TPSG1: variants seen among roughly 807,000 people sequenced by gnomAD.
TPSG1 encodes the protein tryptase gamma.
In TPSG1, 43 loss-of-function variants were observed where a neutral mutation model predicts 23.8. The observed-to-expected ratio is 1.81, with a 90% confidence interval of 1.42 to 2.33. The LOEUF is 2.33. TPSG1 is among the 30% of genes most tolerant of loss of function. TPSG1 has a pLI of 0.00. For synonymous variants in TPSG1, 302 were observed against 201.3 expected (o/e 1.50, Z -4.23); for missense variants, 623 against 438.6 (o/e 1.42, Z -3.75).
Position 1,222,687 on chromosome 16 carries a change from C to T in TPSG1, c.476G>A (p.Cys159Tyr). Residue 159 changes from cysteine to tyrosine, a missense_variant, in exon 4 of 6, where the codon TGC becomes TAC. Transcript: ENST00000234798. The stretch of plus-strand genomic sequence containing the variant: ...CGTATAGCCCCAGCCGGTCACCCAG[C>T]ACCGGATCCCAGGGCAGAAGTCATC... ...ASDDFCPGIRCWVTGWGYTRE... is the reference protein window; with the variant it reads ...ASDDFCPGIRYWVTGWGYTRE... 5 of 1,588,674 alleles carry T rather than the reference C, an allele frequency of 3.1e-6. No homozygotes were observed. The highest frequency in any genetic ancestry group is 4.3e-6 in the Non-Finnish European group (5 of 1,161,720).
Position 1,225,263 on chromosome 16 carries a change from C to A in TPSG1, c.-11G>T. Reference sequence around the variant, plus strand: ...GGCCCCAAGGGCCATGGTGTCTGCCCACTGTAGGGAGAAGGAGGGCCAGCC... The same window carrying A: ...GGCCCCAAGGGCCATGGTGTCTGCCAACTGTAGGGAGAAGGAGGGCCAGCC... On this transcript the variant is annotated 5_prime_UTR_variant, in exon 1 of 6. Transcript: ENST00000234798. 1 of 1,562,822 alleles carries A rather than the reference C, an allele frequency of 6.4e-7. No homozygotes were observed. Among genetic ancestry groups the A allele is most frequent in the East Asian group, 2.4e-5 (1 of 42,212 alleles).
Position 1,222,299 on chromosome 16 carries a change from G to A in TPSG1, c.554C>T (p.Ser185Phe). Residue 185 changes from serine (S) to phenylalanine (F), a missense_variant, in exon 5 of 6, where the codon TCC becomes TTC. Transcript: ENST00000234798. ...GCGGCAGGTCTCTGTGTCCACCACG[G>A]AGACTTTCACCTCCCGCAGGCTGTA... ...PPYSLREVKV[S>F]VVDTETCRRD... 1.2e-6 allele frequency: 2 copies of A among 1,610,858 alleles called. No individual in the cohort carries two copies. Among genetic ancestry groups the A allele is most frequent in the South Asian group, 2.2e-5 (2 of 90,950 alleles).
chr16:1,225,041 G>A (rs2141424783), intron 1 of TPSG1, among the ~76,000 whole-genome samples, 166 bp downstream of exon 1: 1 of 152,218 alleles, frequency 6.6e-6, no homozygotes, highest in African/African-American at 2.4e-5. Flanking sequence ...CGGACAGCTG[G>A]GCCTCCAGCC....
At chr16:1,224,535 C>T (rs1170494225) in intron 2 of TPSG1, 67 bp downstream of exon 2, 7 of 1,604,418 alleles carry the variant, frequency 4.4e-6, no homozygotes, top group African/African-American at 2.7e-5. Flanking sequence ...AGGAGAGGGT[C>T]ACCGAGGCCC....
Position 1,222,877 on chromosome 16 carries a change from G to C in TPSG1, c.286C>G (p.Leu96Val). The part of the protein sequence containing the change: ...SSDYQVHLGE[L>V]EITLSPHFST... ...AAGTGGGGAGACAGAGTGATCTCCA[G>C]TTCCCCCAGGTGCACCTGGTAGTCG... Residue 96 changes from leucine (L) to valine (V), a missense_variant, in exon 4 of 6, where the codon CTG (leucine) becomes GTG (valine). Coordinates refer to ENST00000234798, the MANE Select transcript of TPSG1 (RefSeq NM_012467.4). 6.2e-7 allele frequency: 1 copy of C among 1,609,212 alleles called. No individual in the cohort carries two copies. Among genetic ancestry groups the C allele is most frequent in the Non-Finnish European group, 8.5e-7 (1 of 1,178,582 alleles).
chr16:1,224,611 A>G lies in TPSG1; in HGVS notation c.64T>C (p.Leu22=), dbSNP rs2030048579. ...LAVPGVSLRT[L]QPGCGRPQVS... ...CCTGTCAGAGACGTACCTGGCTGCAAAGTCCTGAGGGACACACCTGTGGGA... is the reference window on the plus strand; with the variant it reads ...CCTGTCAGAGACGTACCTGGCTGCAGAGTCCTGAGGGACACACCTGTGGGA... The change falls in exon 2 of 6, where the codon TTG becomes CTG. Residue 22 remains leucine (L), a synonymous_variant. Transcript: ENST00000234798. 6.2e-7 allele frequency: 1 copy of G among 1,613,754 alleles called. No homozygotes were observed. The highest frequency in any genetic ancestry group is 8.5e-7 in the Non-Finnish European group (1 of 1,179,848).
At chr16:1,222,533 G>C in intron 4 of TPSG1, 119 bp downstream of exon 4, 1 of 1,405,968 alleles carries the variant, frequency 7.1e-7, no homozygotes, top group Non-Finnish European at 9.6e-7. Flanking sequence ...GATAGGGGCG[G>C]CCTTGGCTGG....
Position 1,222,001 on chromosome 16 carries a change from C to T in TPSG1, c.753G>A (p.Arg251=). 1 of 1,612,290 alleles carries T rather than the reference C, an allele frequency of 6.2e-7. No homozygotes were observed. The highest frequency in any genetic ancestry group is 2.2e-5 in the East Asian group (1 of 44,830). ...SWGEGCGRPN[R]PGVYTRVPAY... The stretch of plus-strand genomic sequence containing the variant: ...CAGGGACACGAGTGTAGACTCCCGG[C>T]CTGTTGGGGCGGCCGCAGCCCTCAC... Residue 251 remains arginine (R), a synonymous_variant, in exon 6 of 6, where the codon AGG becomes AGA. Coordinates refer to ENST00000234798, the MANE Select transcript of TPSG1 (RefSeq NM_012467.4).
Position 1,222,284 on chromosome 16 carries a change from T to G in TPSG1, c.569A>C (p.Glu190Ala). 6.2e-7 allele frequency: 1 copy of G among 1,611,530 alleles called. No individual in the cohort carries two copies. Among genetic ancestry groups the G allele is most frequent in the African/African-American group, 1.3e-5 (1 of 74,902 alleles). Residue 190 changes from glutamate (E) to alanine (A), a missense_variant, in exon 5 of 6, where the codon GAG becomes GCG. Physicochemically the swap from Glu to Ala is moderately radical, Grantham distance 107 (BLOSUM62 -1). Transcript: ENST00000234798. ...GCCGGGATAGTCCCGGCGGCAGGTC[T>G]CTGTGTCCACCACGGAGACTTTCAC... ...REVKVSVVDTETCRRDYPGPG... is the reference protein window; with the variant it reads ...REVKVSVVDTATCRRDYPGPG...
At position 1,221,939 on chromosome 16, in the gene TPSG1, G is replaced by A. The variant is rs370547717; in HGVS notation, c.815C>T (p.Ser272Leu). The change falls in exon 6 of 6, where the codon TCA becomes TTA. Residue 272 changes from serine to leucine, a missense_variant. By Grantham distance (145) the Ser-to-Leu change is moderately radical (BLOSUM62 -2). Transcript: ENST00000234798. ...GGGGTACCCAGACTCTGAGCCCCCT[G>A]ATGCTGTGATGTGGCGGCGGATCCA... is the stretch of plus-strand genomic sequence containing the variant. ...VNWIRRHITA[S>L]GGSESGYPRL... The A allele has an allele frequency of 5.1e-5, 83 of 1,611,892 alleles. No individual in the cohort carries two copies. The highest frequency in any genetic ancestry group is 6.9e-5 in the Non-Finnish European group (81 of 1,179,398).
chr16:1,222,173 C>G, intron 5 of TPSG1, 23 bp downstream of exon 5: 1 of 1,611,498 alleles, frequency 6.2e-7, no homozygotes, highest in Non-Finnish European at 8.5e-7. Context: ...CCCCCATCCT[C>G]TGTCACGGCC....
intron 1 of TPSG1, 118 bp downstream of exon 1, chr16:1,225,089 C>G: frequency 7.5e-7 from 1 of 1,333,794 alleles, no homozygotes; most frequent in Non-Finnish European, 1.0e-6. Context: ...CGGGGCCCCA[C>G]AGGGTGGGGA....
Position 1,222,894 on chromosome 16 carries a change from T to A in TPSG1, c.269A>T (p.Gln90Leu). Residue 90 changes from glutamine to leucine, a missense_variant, in exon 4 of 6, where the codon CAG (glutamine) becomes CTG (leucine). Transcript: ENST00000234798. Reference sequence around the variant, plus strand: ...GATCTCCAGTTCCCCCAGGTGCACCTGGTAGTCGGATGAGTTCAGGGACCT... The same window carrying A: ...GATCTCCAGTTCCCCCAGGTGCACCAGGTAGTCGGATGAGTTCAGGGACCT... The part of the protein sequence containing the change: ...FSGSLNSSDY[Q>L]VHLGELEITL... The A allele has an allele frequency of 6.2e-7, 1 of 1,608,126 alleles. No individual in the cohort carries two copies. The highest frequency in any genetic ancestry group is 1.1e-5 in the South Asian group (1 of 90,174).
At position 1,224,601 on chromosome 16, in the gene TPSG1, C is replaced by G. The variant is rs1443590542; in HGVS notation, c.73+1G>C. On this transcript the variant is annotated splice_donor_variant, in intron 2 of 5. Coordinates refer to ENST00000234798, the MANE Select transcript of TPSG1 (RefSeq NM_012467.4). LOFTEE classifies it high-confidence loss of function. ...ACACCCCACACCTGTCAGAGACGTA[C>G]CTGGCTGCAAAGTCCTGAGGGACAC... 6.2e-7 allele frequency: 1 copy of G among 1,613,894 alleles called. No homozygotes were observed. Among genetic ancestry groups the G allele is most frequent in the Non-Finnish European group, 8.5e-7 (1 of 1,179,888 alleles).
Position 1,222,839 on chromosome 16 carries a change from C to G in TPSG1, c.324G>C (p.Arg108Ser). The change falls in exon 4 of 6, where the codon AGG (arginine) becomes AGC (serine). Residue 108 changes from arginine (R) to serine (S), a missense_variant. By Grantham distance (110) the Arg-to-Ser change is moderately radical. Coordinates refer to ENST00000234798, the MANE Select transcript of TPSG1 (RefSeq NM_012467.4). ...ITLSPHFSTV[R>S]QIILHSSPSG... ...AGGGGCTGGAGTGCAGGATGATCTG[C>G]CTCACGGTGGAGAAGTGGGGAGACA... The G allele has an allele frequency of 1.9e-6, 3 of 1,611,526 alleles. No homozygotes were observed. Among genetic ancestry groups the G allele is most frequent in the Non-Finnish European group, 2.5e-6 (3 of 1,179,538 alleles).
At chr16:1,222,118 A>G in intron 5 of TPSG1, 22 bp from the exon 6 acceptor site, 1 of 1,612,446 alleles carries the variant, frequency 6.2e-7, no homozygotes, top group Non-Finnish European at 8.5e-7. Context: ...GAAGGCGAGC[A>G]TTGGGAGCCG....
chr16:1,222,158 A>T, intron 5 of TPSG1, 38 bp downstream of exon 5: 1 of 1,611,516 alleles, frequency 6.2e-7, no homozygotes, highest in Non-Finnish European at 8.5e-7. Context: ...CCTGGGCTTC[A>T]GCCGCCCCCA....
Position 1,223,505 on chromosome 16 carries a change from G to T in TPSG1, c.163C>A (p.Leu55Ile). Reference protein sequence around the residue: ...PAGAWPWQASLRLRRVHVCGG... With the variant: ...PAGAWPWQASIRLRRVHVCGG... ...CACACGTGCACCCTCCGCAGGCGGA[G>T]GCTGGCCTGCCATGGCCATGCGCCG... Residue 55 changes from leucine to isoleucine, a missense_variant, in exon 3 of 6, where the codon CTC (leucine) becomes ATC (isoleucine). Physicochemically the swap from Leu to Ile is conservative, Grantham distance 5 (BLOSUM62 2). Transcript: ENST00000234798. 2 of 1,568,358 alleles carry T rather than the reference G, an allele frequency of 1.3e-6. No individual in the cohort carries two copies. Among genetic ancestry groups the T allele is most frequent in the Non-Finnish European group, 8.6e-7 (1 of 1,159,432 alleles).
chr16:1,224,274 C>T lies in TPSG1; in HGVS notation c.73+328G>A, dbSNP rs1001893526. On this transcript the variant is annotated intron_variant, in intron 2 of 5. Transcript: ENST00000234798. ...AGGCAGCGGGTGTGGGGTGGGGCAC[C>T]GGCTCTCCCACACGGCAAAGCCCCC... 4.9e-5 allele frequency: 15 copies of T among 305,486 alleles called. No individual in the cohort carries two copies. The East Asian group carries it at 7.2e-4, about 15-fold the overall frequency. 18.9% of individuals were successfully genotyped at this position (305,486 alleles called of 1,614,324 possible). A position where few individuals can be genotyped will look rare whatever the true frequency, so the allele number is the denominator to read the frequency against.
Sources: allele counts gnomAD v4.1 joint callset (sites outside exome capture counted in the v4.1 genomes callset), GRCh38; gene constraint gnomAD v4.1.1; transcripts MANE v1.5; gene names NCBI Gene and HGNC (gene_info 2026-07-23, HGNC 2026-07-21).